GALNT17: variants seen among roughly 807,000 people sequenced by gnomAD.
GALNT17 encodes the protein UDP-GalNAc:polypeptide N-acetylgalactosaminyltransferase-like 3.
A neutral mutation model predicts 63.7 loss-of-function variants in GALNT17; 29 were observed. The ratio of observed to expected loss-of-function variants is 0.46; its 90% CI spans 0.34 to 0.62. The LOEUF is 0.62. Ranked by LOEUF, GALNT17 falls within the 20% of genes least tolerant of loss-of-function variation. GALNT17 has a pLI of 0.01. For synonymous variants in GALNT17, 305 were observed against 318.3 expected (o/e 0.96, Z 0.45); for missense variants, 603 against 799.6 (o/e 0.75, Z 2.97).
chr7:71,686,593 T>C (rs1005122416), intron 9 of GALNT17, among the ~76,000 whole-genome samples: 2 of 151,724 alleles, frequency 1.3e-5, no homozygotes, highest in Admixed American at 6.6e-5. Flanking sequence ...TCTCACTATG[T>C]TGCCCAGGCT....
chr7:71,693,263 TACACACACACAC>T lies in GALNT17; in HGVS notation c.1500+15993_1500+16004del, dbSNP rs761584365. On this transcript the variant is annotated intron_variant, in intron 9 of 10. Transcript: ENST00000333538. Reference sequence around the variant, plus strand: ...ACACATATATATACACACACACACATACACACACACACACACACACACACACACACACACACA... The same window carrying T: ...ACACATATATATACACACACACACATACACACACACACACACACACACACA... 4.4e-4 allele frequency among the ~76,000 whole-genome samples: 48 copies of T among 108,888 alleles called. 3 individuals carry two copies. Among genetic ancestry groups the T allele is most frequent in the African/African-American group, 1.1e-3 (31 of 27,678 alleles). 71.4% of individuals were successfully genotyped at this position (108,888 alleles called of 152,430 possible). A position where few individuals can be genotyped will look rare whatever the true frequency, so the allele number is the denominator to read the frequency against.
intron 1 of GALNT17, among the ~76,000 whole-genome samples, chr7:71,275,363 C>G (rs566794087): frequency 2.6e-5 from 4 of 152,190 alleles, no homozygotes; most frequent in South Asian, 2.1e-4. Flanking sequence ...GTCAGGAGTT[C>G]AAGACCAGCC....
At chr7:71,699,657 G>A (rs1157553747) in intron 9 of GALNT17, among the ~76,000 whole-genome samples, 5 of 152,168 alleles carry the variant, frequency 3.3e-5, no homozygotes, top group Non-Finnish European at 7.3e-5. Flanking sequence ...ATGCGGCCTG[G>A]ACACAGTGGC....
chr7:71,496,042 G>C (rs367947944), intron 5 of GALNT17, among the ~76,000 whole-genome samples: 1 of 152,248 alleles, frequency 6.6e-6, no homozygotes, highest in South Asian at 2.1e-4. Context: ...AACACCATCT[G>C]TGGGGGCTCC....
intron 1 of GALNT17, among the ~76,000 whole-genome samples, chr7:71,242,139 C>G (rs1336554141): frequency 6.6e-6 from 1 of 151,852 alleles, no homozygotes; most frequent in Non-Finnish European, 1.5e-5. Context: ...GGAGCAAGAA[C>G]TTGCTCAATT....
At chr7:71,213,017 G>A (rs977298702) in intron 1 of GALNT17, among the ~76,000 whole-genome samples, 9 of 152,222 alleles carry the variant, frequency 5.9e-5, no homozygotes, top group Admixed American at 3.3e-4. Flanking sequence ...GATTGGTTTT[G>A]AAATGTGAGG....
chr7:71,345,516 G>T (rs2116148320), intron 2 of GALNT17, among the ~76,000 whole-genome samples: 1 of 152,278 alleles, frequency 6.6e-6, no homozygotes, highest in Middle Eastern at 3.4e-3. Context: ...TTTGGATGCG[G>T]CTGGCATGAT....
chr7:71,479,898 T>G (rs1018470902), intron 5 of GALNT17, among the ~76,000 whole-genome samples: 1 of 152,120 alleles, frequency 6.6e-6, no homozygotes, highest in Non-Finnish European at 1.5e-5. Flanking sequence ...GTGGCACGTC[T>G]TCTTCTGTGA....
intron 5 of GALNT17, among the ~76,000 whole-genome samples, chr7:71,468,874 T>G (rs1787581505): frequency 6.6e-6 from 1 of 152,172 alleles, no homozygotes; most frequent in East Asian, 1.9e-4. Flanking sequence ...AATAAAAAAT[T>G]TGTTAAACTC....
At chr7:71,650,348 C>T (rs1016877002) in intron 6 of GALNT17, among the ~76,000 whole-genome samples, 1 of 152,286 alleles carries the variant, frequency 6.6e-6, no homozygotes, top group Middle Eastern at 3.4e-3. Context: ...CTTCTGGGTT[C>T]AAGTGATTCT....
intron 1 of GALNT17, among the ~76,000 whole-genome samples, chr7:71,219,595 C>T (rs758165638): frequency 6.6e-6 from 1 of 151,962 alleles, no homozygotes; most frequent in African/African-American, 2.4e-5. Context: ...TTTCCAAGAG[C>T]CTTTCTTATT....
chr7:71,512,359 C>T (rs761888690), intron 5 of GALNT17, among the ~76,000 whole-genome samples: 1 of 152,024 alleles, frequency 6.6e-6, no homozygotes, highest in Non-Finnish European at 1.5e-5. Context: ...CTCTCTGTGT[C>T]GTGACACGTG....
intron 7 of GALNT17, 40 bp from the exon 8 acceptor site, chr7:71,669,932 C>G (rs958122680): frequency 6.2e-7 from 1 of 1,611,100 alleles, no homozygotes; most frequent in African/African-American, 1.3e-5. Context: ...GGCCAGAGCT[C>G]CACAGTCACT....
chr7:71,440,532 G>A (rs1205306562), intron 5 of GALNT17, among the ~76,000 whole-genome samples: 2 of 151,994 alleles, frequency 1.3e-5, no homozygotes, highest in African/African-American at 4.8e-5. Flanking sequence ...GTGCCACCAT[G>A]CGCGGTTAAC....
At chr7:71,242,701 G>A (rs1790021759) in intron 1 of GALNT17, among the ~76,000 whole-genome samples, 1 of 152,200 alleles carries the variant, frequency 6.6e-6, no homozygotes. Context: ...AACATTTAGG[G>A]ATAGTGGGGA....
chr7:71,679,866 C>T, intron 9 of GALNT17, among the ~76,000 whole-genome samples: 1 of 151,480 alleles, frequency 6.6e-6, no homozygotes, highest in African/African-American at 2.4e-5. Flanking sequence ...TTGTTTTCTC[C>T]TTCCTTCCTT....
chr7:71,503,753 C>T (rs1788219547), intron 5 of GALNT17, among the ~76,000 whole-genome samples: 1 of 152,120 alleles, frequency 6.6e-6, no homozygotes, highest in Non-Finnish European at 1.5e-5. Context: ...TCCTGCCTTC[C>T]TGGAGCTTTT....
At chr7:71,217,927 C>CA (rs35568352) in intron 1 of GALNT17, among the ~76,000 whole-genome samples, 1,657 of 142,724 alleles carry the variant, frequency 0.012, 24 homozygotes, top group African/African-American at 0.036. Flanking sequence ...GACTCCGTCT[C>CA]AAAAAAAAAA....
intron 1 of GALNT17, among the ~76,000 whole-genome samples, chr7:71,286,023 C>G (rs1412055020): frequency 6.6e-6 from 1 of 152,182 alleles, no homozygotes; most frequent in Non-Finnish European, 1.5e-5. Flanking sequence ...TCCGCAAAGC[C>G]AAATCCTGAA....
Sources: gnomAD v4.1 joint callset for allele counts (sites outside exome capture counted in the v4.1 genomes callset) on GRCh38, gnomAD v4.1.1 for gene constraint, MANE v1.5 for transcripts, NCBI Gene and HGNC (gene_info 2026-07-23, HGNC 2026-07-21) for gene names.